The following MYO3A variants were observed in gnomAD, a reference collection of about 807,000 sequenced individuals.
The protein encoded by MYO3A is myosin IIIA, also known as myosin-IIIa.
In MYO3A, 180 loss-of-function variants were observed where a neutral mutation model predicts 192.7. The observed-to-expected ratio is 0.93, with a 90% CI of 0.83 to 1.06. The LOEUF is 1.06. Ranked by LOEUF, MYO3A falls within the 50% of genes least tolerant of loss-of-function variation. The pLI, the probability that MYO3A is intolerant of heterozygous loss-of-function variation, is 0.00. For missense variants in MYO3A, 1,896 were observed against 1,905.0 expected (o/e 1.00, Z 0.09); for synonymous variants, 628 against 645.3 (o/e 0.97, Z 0.41).
At chr10:25,964,111 C>G (rs1292069375) in intron 4 of MYO3A, among the ~76,000 whole-genome samples, 1 of 151,938 alleles carries the variant, frequency 6.6e-6, no homozygotes, top group Non-Finnish European at 1.5e-5. Flanking sequence ...CTATAGTGTT[C>G]CCCCTAGATT....
At chr10:26,143,734 A>G (rs1465674632) in intron 21 of MYO3A, 133 bp downstream of exon 21, 1 of 1,104,076 alleles carries the variant, frequency 9.1e-7, no homozygotes, top group African/African-American at 1.6e-5. Context: ...ACTTTAAAGA[A>G]GAGCCTTTGG....
At chr10:26,152,050 T>C (rs1339358132) in intron 23 of MYO3A, among the ~76,000 whole-genome samples, 1 of 152,226 alleles carries the variant, frequency 6.6e-6, no homozygotes, top group Non-Finnish European at 1.5e-5. Flanking sequence ...ATCCATCTAA[T>C]TCCATGTTTT....
rs1251580116 is a variant in MYO3A, at chr10:25,942,822, A to G, written c.-18+6992A>G. ...TTTTTTTAGTTGTAGAGTTATTTAT[A>G]TATTCTGTATGTTAACCCTTTATCA... On this transcript the variant is annotated intron_variant, in intron 2 of 34. Transcript: ENST00000642920. Among the ~76,000 whole-genome samples, 5 of 150,324 alleles carry G rather than the reference A, an allele frequency of 3.3e-5. No homozygotes were observed. The East Asian group carries it at 9.8e-4, about 29-fold the overall frequency.
intron 10 of MYO3A, among the ~76,000 whole-genome samples, chr10:26,055,645 T>C (rs34233278): frequency 0.16 from 24,724 of 152,150 alleles, 2,296 homozygotes; most frequent in Non-Finnish European, 0.21. Context: ...AAAATCCCTT[T>C]GTGTTTACAT....
chr10:26,203,327 T>C (rs1037190862), intron 34 of MYO3A, among the ~76,000 whole-genome samples: 2 of 152,192 alleles, frequency 1.3e-5, no homozygotes, highest in Non-Finnish European at 2.9e-5. Context: ...TTTATCTGTT[T>C]TCTTGGAGTA....
At chr10:26,194,597 A>G (rs1014230523) in intron 32 of MYO3A, among the ~76,000 whole-genome samples, 1 of 152,190 alleles carries the variant, frequency 6.6e-6, no homozygotes, top group South Asian at 2.1e-4. Context: ...CCCACCTCGC[A>G]GGCAGAAAAT....
rs568881278 is a variant in MYO3A at position 26,006,964 on chromosome 10, T to C, written c.508+9706T>C. On this transcript the variant is annotated intron_variant, in intron 6 of 34. Coordinates refer to ENST00000642920, the MANE Select transcript of MYO3A (RefSeq NM_017433.5). ...TTTAGACCAATATCCTTGATGAACATTGATGCAAAAATCCTCAATAAAATA... is the reference window on the plus strand; with the variant it reads ...TTTAGACCAATATCCTTGATGAACACTGATGCAAAAATCCTCAATAAAATA... Among the ~76,000 whole-genome samples the C allele has an allele frequency of 3.7e-3, 546 of 148,398 alleles. 4 individuals carry two copies. The highest frequency in any genetic ancestry group is 0.013 in the African/African-American group (519 of 38,778).
intron 34 of MYO3A, among the ~76,000 whole-genome samples, chr10:26,208,474 C>T (rs1217491156): frequency 6.6e-6 from 1 of 152,174 alleles, no homozygotes; most frequent in Admixed American, 6.5e-5. Context: ...AGTCTGTTTT[C>T]TCATCTGCAA....
Position 26,166,181 on chromosome 10 carries a change from A to C in MYO3A, c.3111+3A>C. 12 of 1,593,392 alleles carry C rather than the reference A, an allele frequency of 7.5e-6. No homozygotes were observed. The highest frequency in any genetic ancestry group is 1.0e-5 in the Non-Finnish European group (12 of 1,161,564). Reference sequence around the variant, plus strand: ...ACTGGGCTCTTGGAAAAACAAAAGTAATGTTTTCATGTAATTTTCAGGAAA... The same window carrying C: ...ACTGGGCTCTTGGAAAAACAAAAGTCATGTTTTCATGTAATTTTCAGGAAA... On this transcript the variant is annotated splice_donor_region_variant and intron_variant, in intron 27 of 34. Coordinates refer to ENST00000642920, the MANE Select transcript of MYO3A (RefSeq NM_017433.5).
chr10:26,176,643 T>C (rs1842350053), intron 30 of MYO3A, 58 bp from the exon 31 acceptor site: 2 of 1,528,216 alleles, frequency 1.3e-6, no homozygotes, highest in South Asian at 1.1e-5. Flanking sequence ...CCCCGGTGCC[T>C]GCAGAACTCT....
intron 30 of MYO3A, among the ~76,000 whole-genome samples, chr10:26,174,975 T>C (rs986280394): frequency 6.4e-4 from 97 of 152,358 alleles, no homozygotes; most frequent in African/African-American, 2.3e-3. Flanking sequence ...TATCAGATTT[T>C]GATAGGTAGC....
intron 4 of MYO3A, among the ~76,000 whole-genome samples, chr10:25,965,458 G>A (rs1838199808): frequency 6.6e-6 from 1 of 152,056 alleles, no homozygotes; most frequent in African/African-American, 2.4e-5. Context: ...TCCTCAGGGG[G>A]AAGGGAGGGG....
chr10:26,084,122 A>G (rs557738536), intron 14 of MYO3A, among the ~76,000 whole-genome samples: 1 of 152,344 alleles, frequency 6.6e-6, no homozygotes, highest in East Asian at 1.9e-4. Context: ...AATTGAATAC[A>G]GCTTCCACTT....
intron 17 of MYO3A, among the ~76,000 whole-genome samples, chr10:26,107,942 C>A (rs990464668): frequency 1.3e-5 from 2 of 150,520 alleles, no homozygotes; most frequent in South Asian, 4.2e-4. Flanking sequence ...TTCTTCTGTT[C>A]TTTTTTTTTA....
intron 25 of MYO3A, 90 bp from the exon 26 acceptor site, chr10:26,157,220 A>G: frequency 8.6e-7 from 1 of 1,164,400 alleles, no homozygotes; most frequent in Non-Finnish European, 1.3e-6. Flanking sequence ...TCATTTTTTG[A>G]ATGTTATTCT....
In MYO3A at chr10:26,068,812, G is replaced by A; in HGVS notation, c.1098G>A (p.Gln366=). The change falls in exon 12 of 35, where the codon CAG becomes CAA. Residue 366 remains glutamine (Q), a synonymous_variant. Transcript: ENST00000642920. ...EQLEKCYSRD[Q]IYVYVGDILI... The stretch of plus-strand genomic sequence containing the variant: ...TTGAGAAGTGTTATTCCAGAGATCA[G>A]ATCTACGTCTATGTGGGAGACATAC... 1.3e-6 allele frequency: 2 copies of A among 1,598,776 alleles called. No homozygotes were observed. Among genetic ancestry groups the A allele is most frequent in the Non-Finnish European group, 1.7e-6 (2 of 1,166,230 alleles).
At chr10:26,119,458 A>G (rs1173283643) in intron 17 of MYO3A, among the ~76,000 whole-genome samples, 1 of 152,206 alleles carries the variant, frequency 6.6e-6, no homozygotes, top group Non-Finnish European at 1.5e-5. Flanking sequence ...ATATATATTC[A>G]TTCAACAAAT....
intron 20 of MYO3A, among the ~76,000 whole-genome samples, chr10:26,130,576 C>A (rs550260917): frequency 3.9e-5 from 6 of 152,336 alleles, no homozygotes; most frequent in East Asian, 3.9e-4. Flanking sequence ...CAAAATAAAA[C>A]ATTCAACTAG....
chr10:26,104,682 A>T (rs1456784185), intron 17 of MYO3A, among the ~76,000 whole-genome samples: 1 of 151,934 alleles, frequency 6.6e-6, no homozygotes. Flanking sequence ...ACTTTAATAT[A>T]AATTTGAAGG....
Sources: gnomAD v4.1 joint callset for allele counts (sites outside exome capture counted in the v4.1 genomes callset) on GRCh38, gnomAD v4.1.1 for gene constraint, MANE v1.5 for transcripts, NCBI Gene and HGNC (gene_info 2026-07-23, HGNC 2026-07-21) for gene names.